FBRSL1: variants seen among roughly 807,000 people sequenced by gnomAD.
The protein encoded by FBRSL1 is fibrosin-1-like protein.
FBRSL1 carries 51 observed loss-of-function variants against 89.6 expected under a neutral mutation model. That is an observed-to-expected ratio of 0.57 (90% CI 0.45 to 0.72). The LOEUF (loss-of-function observed/expected upper bound fraction) is 0.72, where lower values mean the gene tolerates loss of function less well. Among genes scored for constraint, FBRSL1 ranks in the 30% least tolerant of loss-of-function variants. FBRSL1 has a pLI of 0.00. For missense variants in FBRSL1, 1,618 were observed against 1,451.8 expected (o/e 1.11, Z -1.86); for synonymous variants, 779 against 681.1 (o/e 1.14, Z -2.24).
chr12:132,516,952 C>T (rs2034896625), intron 2 of FBRSL1, among the ~76,000 whole-genome samples: 1 of 152,248 alleles, frequency 6.6e-6, no homozygotes, highest in Non-Finnish European at 1.5e-5. Flanking sequence ...GTCTACATAG[C>T]TGCCATGATG....
At chr12:132,574,430 A>C (rs866043238) in intron 13 of FBRSL1, 63 bp from the exon 14 acceptor site, 1 of 1,548,280 alleles carries the variant, frequency 6.5e-7, no homozygotes, top group Non-Finnish European at 8.7e-7. Context: ...TGACAGCAGG[A>C]GTCTGCAGAA....
chr12:132,512,488 G>A (rs2034453179), intron 2 of FBRSL1, among the ~76,000 whole-genome samples: 1 of 152,234 alleles, frequency 6.6e-6, no homozygotes, highest in African/African-American at 2.4e-5. Flanking sequence ...GGAGGGCGGT[G>A]CCATCTCAGA....
At chr12:132,538,120 C>T (rs555344539) in intron 4 of FBRSL1, among the ~76,000 whole-genome samples, 4 of 152,262 alleles carry the variant, frequency 2.6e-5, no homozygotes, top group East Asian at 3.9e-4. Context: ...ACCCAGGGGC[C>T]GGTCCCTGGG....
At chr12:132,561,917 A>G (rs7301141) in intron 5 of FBRSL1, among the ~76,000 whole-genome samples, 81,103 of 151,992 alleles carry the variant, frequency 0.53, 23,061 homozygotes, top group East Asian at 0.85. Context: ...CAGATTTGGG[A>G]GCCTGGCCCA....
chr12:132,544,642 T>C (rs1477015786), intron 4 of FBRSL1, among the ~76,000 whole-genome samples: 4 of 151,948 alleles, frequency 2.6e-5, no homozygotes, highest in Non-Finnish European at 5.9e-5. Flanking sequence ...TTGAGGATGG[T>C]GACGTGAGGA....
intron 14 of FBRSL1, 48 bp from the exon 15 acceptor site, chr12:132,576,751 C>A (rs1335722257): frequency 6.5e-7 from 1 of 1,530,066 alleles, no homozygotes; most frequent in Admixed American, 2.0e-5. Context: ...TCCCTGTGTT[C>A]AGGGCCAGTC....
At position 132,583,796 on chromosome 12, in the gene FBRSL1, C is replaced by A; in HGVS notation, c.*18C>A. ...CGCGGTAGCCCCGGGGCCGCAGACG[C>A]CTCTCCGAGCGGAGCGCACCGCTGT... On this transcript the variant is annotated 3_prime_UTR_variant, in exon 19 of 19. Coordinates refer to ENST00000680143, the MANE Select transcript of FBRSL1 (RefSeq NM_001367871.1). The A allele has an allele frequency of 8.3e-7, 1 of 1,200,782 alleles. No individual in the cohort carries two copies. The highest frequency in any genetic ancestry group is 4.2e-5 in the South Asian group (1 of 23,894). 74.4% of individuals were successfully genotyped at this position (1,200,782 alleles called of 1,614,324 possible).
At chr12:132,524,410 G>A (rs1395184276) in intron 2 of FBRSL1, among the ~76,000 whole-genome samples, 3 of 152,234 alleles carry the variant, frequency 2.0e-5, no homozygotes, top group East Asian at 1.9e-4. Flanking sequence ...CCCTTAATTC[G>A]CACTGGCACC....
At chr12:132,498,704 C>A (rs146834018) in intron 1 of FBRSL1, among the ~76,000 whole-genome samples, 1 of 152,228 alleles carries the variant, frequency 6.6e-6, no homozygotes, top group African/African-American at 2.4e-5. Context: ...GGCGGCCCTG[C>A]GTGGGCCTTG....
chr12:132,570,517 T>C lies in FBRSL1; in HGVS notation c.1190T>C (p.Leu397Pro). Residue 397 changes from leucine to proline, a missense_variant, in exon 8 of 19, where the codon CTG becomes CCG. Transcript: ENST00000680143. ...PPPPALPASS[L>P]VLPGHPADAS... is the part of the protein sequence containing the mutation. ...CCCCCGGCGCTGCCGGCCAGCAGCC[T>C]GGTCCTCCCAGGACACCCGGCCGGT... 6.6e-7 allele frequency: 1 copy of C among 1,524,346 alleles called. No homozygotes were observed. The highest frequency in any genetic ancestry group is 1.2e-5 in the South Asian group (1 of 82,608). The allele number at this position is 1,524,346 out of a possible 1,614,324, so 94.4% of individuals were successfully genotyped here. A position where few individuals can be genotyped will look rare whatever the true frequency, so the allele number is the denominator to read the frequency against.
intron 1 of FBRSL1, among the ~76,000 whole-genome samples, chr12:132,503,663 G>A (rs1185542971): frequency 1.3e-5 from 2 of 152,242 alleles, no homozygotes; most frequent in Non-Finnish European, 2.9e-5. Context: ...AGGCAGAGAG[G>A]ATGTCGGGGC....
At chr12:132,522,062 G>T (rs1387750774) in intron 2 of FBRSL1, among the ~76,000 whole-genome samples, 9 of 152,056 alleles carry the variant, frequency 5.9e-5, no homozygotes, top group African/African-American at 1.9e-4. Flanking sequence ...GGCGCCTGTG[G>T]GTCTGCGTGG....
At position 132,570,373 on chromosome 12, in the gene FBRSL1, T is replaced by G. The variant is rs1380162403; in HGVS notation, c.1046T>G (p.Val349Gly). 1 of 1,533,508 alleles carries G rather than the reference T, an allele frequency of 6.5e-7. No homozygotes were observed. The highest frequency in any genetic ancestry group is 1.4e-5 in the African/African-American group (1 of 72,590). The allele number at this position is 1,533,508 out of a possible 1,614,324, so 95.0% of individuals were successfully genotyped here. A position where few individuals can be genotyped will look rare whatever the true frequency, so the allele number is the denominator to read the frequency against. Residue 349 changes from valine to glycine, a missense_variant, in exon 8 of 19, where the codon GTG becomes GGG. Coordinates refer to ENST00000680143, the MANE Select transcript of FBRSL1 (RefSeq NM_001367871.1). ...SSAPLGLGKH[V>G]SLSPHGPGPH... ...GCCCCCCTGGGCCTGGGGAAGCACG[T>G]GTCGCTGTCGCCACACGGGCCGGGC...
intron 1 of FBRSL1, among the ~76,000 whole-genome samples, chr12:132,505,309 C>T (rs11610659): frequency 0.8 from 121,031 of 152,156 alleles, 49,418 homozygotes; most frequent in Non-Finnish European, 0.9. Flanking sequence ...CTTCCTTCCA[C>T]GGAGCCCAGG....
rs1243210171 is a variant in FBRSL1 at position 132,538,876 on chromosome 12, G to T, written c.616-9127G>T. ...TTATCTTGTGTAACCAGGTTGCAAG[G>T]GTGCCTCCACCTCCCAGGACAGCGA... On this transcript the variant is annotated intron_variant, in intron 4 of 18. Coordinates refer to ENST00000680143, the MANE Select transcript of FBRSL1 (RefSeq NM_001367871.1). Among the ~76,000 whole-genome samples, 4 of 152,270 alleles carry T rather than the reference G, an allele frequency of 2.6e-5. No individual in the cohort carries two copies. The East Asian group carries it at 7.7e-4, about 29-fold the overall frequency.
At chr12:132,536,350 G>A (rs2036741662) in intron 4 of FBRSL1, among the ~76,000 whole-genome samples, 1 of 151,686 alleles carries the variant, frequency 6.6e-6, no homozygotes, top group South Asian at 2.1e-4. Context: ...ACGTGTACAT[G>A]ACAATATGAT....
chr12:132,531,030 G>A (rs2036233522), intron 4 of FBRSL1, among the ~76,000 whole-genome samples: 1 of 151,898 alleles, frequency 6.6e-6, no homozygotes, highest in African/African-American at 2.4e-5. Context: ...CGGGGTGCAG[G>A]TGAGAGCCCA....
At chr12:132,575,587 G>A (rs1406339132) in intron 14 of FBRSL1, among the ~76,000 whole-genome samples, 1 of 152,264 alleles carries the variant, frequency 6.6e-6, no homozygotes, top group Non-Finnish European at 1.5e-5. Flanking sequence ...CACAGCAGAG[G>A]GATCAGGTGC....
chr12:132,510,178 T>C, intron 2 of FBRSL1: 1 of 1,231,324 alleles, frequency 8.1e-7, no homozygotes, highest in Non-Finnish European at 1.0e-6. Context: ...CGGCCGCTCA[T>C]GGGCCCCAAC....
Sources: allele counts gnomAD v4.1 joint callset (sites outside exome capture counted in the v4.1 genomes callset), GRCh38; gene constraint gnomAD v4.1.1; transcripts MANE v1.5; gene names NCBI Gene and HGNC (gene_info 2026-07-23, HGNC 2026-07-21).